GPR158: variants seen among roughly 807,000 people sequenced by gnomAD.
The protein encoded by GPR158 is metabotropic glycine receptor.
Under a neutral mutation model 78.2 loss-of-function variants are expected in GPR158, and 30 were observed. The observed-to-expected ratio is 0.38, with a 90% confidence interval of 0.29 to 0.52. The LOEUF (loss-of-function observed/expected upper bound fraction) is 0.52, where lower values mean the gene tolerates loss of function less well. GPR158 is among the 20% of genes least tolerant of loss of function. GPR158 has a pLI of 0.83. For missense variants in GPR158, 1,463 were observed against 1,523.5 expected (o/e 0.96, Z 0.66); for synonymous variants, 581 against 591.1 (o/e 0.98, Z 0.25).
chr10:25,282,099 A>C (rs988186061), intron 2 of GPR158, among the ~76,000 whole-genome samples: 5 of 152,176 alleles, frequency 3.3e-5, no homozygotes, highest in Admixed American at 3.3e-4. Context: ...ATCATTCCCC[A>C]AACTTCTTTG....
Position 25,598,067 on chromosome 10 carries a change from T to C in GPR158, c.2441T>C (p.Leu814Pro). The C allele has an allele frequency of 6.2e-7, 1 of 1,613,946 alleles. No individual in the cohort carries two copies. Among genetic ancestry groups the C allele is most frequent in the Non-Finnish European group, 8.5e-7 (1 of 1,180,000 alleles). ...EETLKNRVFS[L>P]KKSHSTYDHV... ...ACCCTGAAAAACCGAGTCTTCTCACTCAAGAAATCCCACAGCACTTATGAC... is the reference window on the plus strand; with the variant it reads ...ACCCTGAAAAACCGAGTCTTCTCACCCAAGAAATCCCACAGCACTTATGAC... The change falls in exon 11 of 11, where the codon CTC becomes CCC. Residue 814 changes from leucine (L) to proline (P), a missense_variant. Transcript: ENST00000376351.
chr10:25,593,221 G>T (rs1274834868), intron 8 of GPR158, among the ~76,000 whole-genome samples: 1 of 152,080 alleles, frequency 6.6e-6, no homozygotes, highest in South Asian at 2.1e-4. Context: ...TAGGGGAGCA[G>T]CATGGAGGTG....
chr10:25,434,272 A>AT lies in GPR158; in HGVS notation c.1335+21802dup, dbSNP rs1484904818. Among the ~76,000 whole-genome samples the AT allele has an allele frequency of 2.6e-5, 4 of 152,342 alleles. No homozygotes were observed. The East Asian group carries it at 7.7e-4, about 29-fold the overall frequency. ...AGAATGAGTAAAGTGATTATAACAT[A>AT]TTTGTATATGTCTTAAGACATATAA... is the stretch of plus-strand genomic sequence containing the variant. On this transcript the variant is annotated intron_variant, in intron 4 of 10. Transcript: ENST00000376351.
At chr10:25,309,370 A>G (rs748589692) in intron 2 of GPR158, among the ~76,000 whole-genome samples, 10 of 151,182 alleles carry the variant, frequency 6.6e-5, no homozygotes, top group East Asian at 3.9e-4. Flanking sequence ...CAAAATATCT[A>G]TTCAAGTCCT....
chr10:25,434,092 G>A (rs1834962797), intron 4 of GPR158, among the ~76,000 whole-genome samples: 1 of 152,084 alleles, frequency 6.6e-6, no homozygotes, highest in African/African-American at 2.4e-5. Flanking sequence ...AACCCTGGAG[G>A]TGGAGCTTGC....
intron 2 of GPR158, among the ~76,000 whole-genome samples, chr10:25,378,908 C>G (rs1834119398): frequency 1.3e-5 from 2 of 152,086 alleles, no homozygotes; most frequent in African/African-American, 4.8e-5. Context: ...CCTCCTACTT[C>G]AGCCCCGAGT....
At chr10:25,194,304 C>T (rs191062463) in intron 1 of GPR158, among the ~76,000 whole-genome samples, 6 of 152,058 alleles carry the variant, frequency 3.9e-5, no homozygotes, top group Admixed American at 6.6e-5. Context: ...TTTGGGAGGC[C>T]GAGGCAGGTG....
intron 4 of GPR158, among the ~76,000 whole-genome samples, chr10:25,449,479 G>A (rs1426970232): frequency 6.6e-6 from 1 of 152,204 alleles, no homozygotes; most frequent in Non-Finnish European, 1.5e-5. Flanking sequence ...TGTGATAAGT[G>A]TGACACTCAT....
At chr10:25,246,733 T>C (rs1853695379) in intron 2 of GPR158, among the ~76,000 whole-genome samples, 1 of 152,166 alleles carries the variant, frequency 6.6e-6, no homozygotes, top group South Asian at 2.1e-4. Context: ...TAATAATGAC[T>C]CCTTCAGAAA....
intron 2 of GPR158, among the ~76,000 whole-genome samples, chr10:25,366,331 T>A (rs995823470): frequency 1.7e-4 from 26 of 151,214 alleles, no homozygotes; most frequent in African/African-American, 6.1e-4. Context: ...ATTACATCAA[T>A]TTATACATTC....
chr10:25,443,401 A>T (rs1338624746), intron 4 of GPR158, among the ~76,000 whole-genome samples: 2 of 151,928 alleles, frequency 1.3e-5, no homozygotes, highest in Non-Finnish European at 2.9e-5. Context: ...TTAAAAATAT[A>T]AAAATTAGCC....
At chr10:25,293,745 A>ATT (rs5783917) in intron 2 of GPR158, among the ~76,000 whole-genome samples, 9 of 144,778 alleles carry the variant, frequency 6.2e-5, no homozygotes, top group South Asian at 2.2e-4. Context: ...TAAACCTGTA[A>ATT]TTTTTTTTTT....
rs912096074 is a variant in GPR158, at chr10:25,350,073, G to A, written c.1009-45838G>A. On this transcript the variant is annotated intron_variant, in intron 2 of 10. Transcript: ENST00000376351. Reference sequence around the variant, plus strand: ...TAAACTATGGAGTGCTAGGGGGATAGGGGCTGAATTTTCACCTTTAGCTTG... The same window carrying A: ...TAAACTATGGAGTGCTAGGGGGATAAGGGCTGAATTTTCACCTTTAGCTTG... 5.1e-4 allele frequency among the ~76,000 whole-genome samples: 78 copies of A among 151,916 alleles called. 1 individual carries two copies. Among genetic ancestry groups the A allele is most frequent in the African/African-American group, 1.6e-3 (68 of 41,478 alleles).
intron 2 of GPR158, among the ~76,000 whole-genome samples, chr10:25,243,190 C>G (rs1422741978): frequency 3.3e-5 from 5 of 152,224 alleles, no homozygotes; most frequent in African/African-American, 1.2e-4. Context: ...ATATCAATCC[C>G]TTTTGCCAGC....
intron 2 of GPR158, among the ~76,000 whole-genome samples, chr10:25,247,703 T>C (rs1853717435): frequency 6.6e-6 from 1 of 151,764 alleles, no homozygotes; most frequent in Non-Finnish European, 1.5e-5. Flanking sequence ...ATTTTCTTAA[T>C]CCAGTCTATT....
At chr10:25,492,845 G>A (rs1835828318) in intron 5 of GPR158, among the ~76,000 whole-genome samples, 1 of 148,582 alleles carries the variant, frequency 6.7e-6, no homozygotes, top group Non-Finnish European at 1.5e-5. Flanking sequence ...CTAATTATAT[G>A]TATTTTAATA....
chr10:25,189,712 C>G (rs567193838), intron 1 of GPR158, among the ~76,000 whole-genome samples: 2 of 151,086 alleles, frequency 1.3e-5, no homozygotes, highest in East Asian at 3.9e-4. Context: ...GTGCAGCACA[C>G]CAACATGGCA....
intron 2 of GPR158, among the ~76,000 whole-genome samples, chr10:25,253,449 A>C (rs148689786): frequency 7.2e-5 from 11 of 152,288 alleles, no homozygotes; most frequent in African/African-American, 2.6e-4. Flanking sequence ...TGAAATGTCA[A>C]CCTCAGATAC....
chr10:25,490,502 C>T (rs1307000082), intron 5 of GPR158, among the ~76,000 whole-genome samples: 1 of 126,210 alleles, frequency 7.9e-6, no homozygotes, highest in African/African-American at 3.1e-5. Flanking sequence ...TCCATGTGAT[C>T]TCATTGTTCA....
Sources: allele counts gnomAD v4.1 joint callset (sites outside exome capture counted in the v4.1 genomes callset), GRCh38; gene constraint gnomAD v4.1.1; transcripts MANE v1.5; gene names NCBI Gene and HGNC (gene_info 2026-07-23, HGNC 2026-07-21).